The following GNAT3 variants were observed in gnomAD, a reference collection of about 807,000 sequenced individuals.
GNAT3 encodes the protein G protein subunit alpha transducin 3.
In GNAT3, 31 loss-of-function variants were observed where a neutral mutation model predicts 37.7. That is an observed-to-expected ratio of 0.82 (90% CI 0.62 to 1.11). GNAT3 has a LOEUF of 1.11. Ranked by LOEUF, GNAT3 falls within the 50% of genes most tolerant of loss-of-function variation. The pLI, the probability that GNAT3 is intolerant of heterozygous loss-of-function variation, is 0.00. For synonymous variants in GNAT3, 138 were observed against 139.8 expected, an observed-to-expected ratio of 0.99 and a Z score of 0.09; for missense variants, 437 against 412.5, an observed-to-expected ratio of 1.06 and a Z score of -0.51.
intron 5 of GNAT3, among the ~76,000 whole-genome samples, chr7:80,466,841 G>A (rs1388507020): frequency 4.6e-5 from 7 of 152,114 alleles, no homozygotes; most frequent in African/African-American, 1.7e-4. Flanking sequence ...GTTAACAGGT[G>A]TAAGAGGTAG....
chr7:80,497,547 T>C (rs1790739821), intron 1 of GNAT3, among the ~76,000 whole-genome samples: 1 of 140,782 alleles, frequency 7.1e-6, no homozygotes, highest in Non-Finnish European at 1.6e-5. Context: ...TATATACACA[T>C]ATACGTATAT....
chr7:80,478,768 C>A, intron 4 of GNAT3, 73 bp downstream of exon 4: 2 of 1,418,902 alleles, frequency 1.4e-6, no homozygotes, highest in South Asian at 1.3e-5. Context: ...TTTACAAATG[C>A]AAAGTATGCA....
intron 5 of GNAT3, among the ~76,000 whole-genome samples, chr7:80,473,290 T>C (rs909679034): frequency 6.6e-6 from 1 of 152,182 alleles, no homozygotes; most frequent in Non-Finnish European, 1.5e-5. Flanking sequence ...TCCGTATTAG[T>C]TGAAAATATA....
chr7:80,506,756 A>G (rs1790950296), intron 1 of GNAT3, among the ~76,000 whole-genome samples: 2 of 152,192 alleles, frequency 1.3e-5, no homozygotes, highest in Non-Finnish European at 2.9e-5. Context: ...ATTTAAATTG[A>G]CAGAGAAAAT....
intron 1 of GNAT3, among the ~76,000 whole-genome samples, chr7:80,502,717 A>C (rs79955438): frequency 3.9e-5 from 6 of 152,004 alleles, no homozygotes; most frequent in Admixed American, 6.6e-5. Flanking sequence ...AAAAAAAAAA[A>C]ACATAGGTTT....
chr7:80,487,232 C>T (rs1584183753), intron 3 of GNAT3, among the ~76,000 whole-genome samples: 1 of 151,972 alleles, frequency 6.6e-6, no homozygotes, highest in Non-Finnish European at 1.5e-5. Flanking sequence ...CTGAACTACA[C>T]TTAAATAAGA....
At chr7:80,483,709 C>T (rs767839888) in intron 3 of GNAT3, among the ~76,000 whole-genome samples, 3 of 151,972 alleles carry the variant, frequency 2.0e-5, no homozygotes, top group African/African-American at 4.8e-5. Context: ...CTCATTTCAG[C>T]GCATTTCAGT....
chr7:80,475,139 CA>C (rs1790282568), intron 4 of GNAT3, among the ~76,000 whole-genome samples: 1 of 152,034 alleles, frequency 6.6e-6, no homozygotes, highest in South Asian at 2.1e-4. Flanking sequence ...CCTCTTCCAT[CA>C]ATGCATCACT....
intron 5 of GNAT3, among the ~76,000 whole-genome samples, chr7:80,472,629 T>G (rs1443983819): frequency 1.3e-5 from 2 of 152,132 alleles, no homozygotes; most frequent in East Asian, 3.8e-4. Flanking sequence ...GTTGGTGTTG[T>G]AGGGAGTGAC....
chr7:80,501,047 G>T lies in GNAT3; in HGVS notation c.119-6400C>A, dbSNP rs1022125157. On this transcript the variant is annotated intron_variant, in intron 1 of 7. Coordinates refer to ENST00000398291, the MANE Select transcript of GNAT3 (RefSeq NM_001102386.3). ...AAGTTGTCAAATAATAAATTGAAAAGAATTTTCTAAAAATGTTTATGTAAT... is the reference window on the plus strand; with the variant it reads ...AAGTTGTCAAATAATAAATTGAAAATAATTTTCTAAAAATGTTTATGTAAT... 5.9e-5 allele frequency among the ~76,000 whole-genome samples: 9 copies of T among 152,098 alleles called. No homozygotes were observed. The East Asian group carries it at 1.3e-3, about 23-fold the overall frequency.
At chr7:80,487,290 G>T (rs1790505250) in intron 3 of GNAT3, among the ~76,000 whole-genome samples, 1 of 152,136 alleles carries the variant, frequency 6.6e-6, no homozygotes, top group Non-Finnish European at 1.5e-5. Flanking sequence ...GGATCTTGGA[G>T]TTCGACTCCT....
chr7:80,462,366 T>G (rs1241057577), intron 6 of GNAT3, 54 bp from the exon 7 acceptor site: 27 of 1,572,444 alleles, frequency 1.7e-5, no homozygotes, highest in Non-Finnish European at 2.3e-5. Flanking sequence ...AAAATGTGAA[T>G]GTTGAGCATC....
At position 80,462,539 on chromosome 7, in the gene GNAT3, C is replaced by T. The variant is rs1224806070; in HGVS notation, c.683G>A (p.Ser228Asn). The part of the protein sequence containing the change: ...VTCIIFCAAL[S>N]AYDMVLVEDE... ...TTCCACGAGGACCATGTCATAGGCA[C>T]TAAGTGCAGCACAAAATATAATGCA... Residue 228 changes from serine to asparagine, a missense_variant, in exon 6 of 8, where the codon AGT becomes AAT. Ser to Asn is a conservative substitution (Grantham distance 46). Coordinates refer to ENST00000398291, the MANE Select transcript of GNAT3 (RefSeq NM_001102386.3). 6.2e-7 allele frequency: 1 copy of T among 1,613,784 alleles called. No individual in the cohort carries two copies. The highest frequency in any genetic ancestry group is 8.5e-7 in the Non-Finnish European group (1 of 1,179,776).
chr7:80,462,425 G>A (rs1241520835), intron 6 of GNAT3, 77 bp downstream of exon 6: 3 of 1,563,226 alleles, frequency 1.9e-6, no homozygotes, highest in Admixed American at 3.5e-5. Context: ...ACCTTCATGA[G>A]TTGGGCAATG....
intron 1 of GNAT3, among the ~76,000 whole-genome samples, chr7:80,504,458 A>G (rs528939776): frequency 7.2e-5 from 11 of 152,336 alleles, no homozygotes; most frequent in Middle Eastern, 3.4e-3. Context: ...GGATAAGAAA[A>G]TAGAAGCAGT....
intron 1 of GNAT3, among the ~76,000 whole-genome samples, chr7:80,506,383 T>C (rs1790940950): frequency 6.6e-6 from 1 of 152,154 alleles, no homozygotes; most frequent in Admixed American, 6.5e-5. Flanking sequence ...TGCTGATCAA[T>C]TGAGATAAAT....
At chr7:80,491,971 T>G (rs1935181163) in intron 2 of GNAT3, among the ~76,000 whole-genome samples, 1 of 152,080 alleles carries the variant, frequency 6.6e-6, no homozygotes, top group African/African-American at 2.4e-5. Context: ...GAGAGAAAAT[T>G]TATTTGAATA....
Position 80,474,604 on chromosome 7 carries a change from TAA to T in GNAT3, c.462-227_462-226del, listed in dbSNP as rs1160267802. Among the ~76,000 whole-genome samples the T allele has an allele frequency of 2.0e-5, 3 of 152,254 alleles. No homozygotes were observed. In the East Asian group the frequency reaches 5.8e-4, roughly 29 times the overall value. ...GCTTTCCAAACTATGCTCATCGAATTAAAAGTTTGGTAGCTGGAATGTTGCAG... is the reference window on the plus strand; with the variant it reads ...GCTTTCCAAACTATGCTCATCGAATTAAGTTTGGTAGCTGGAATGTTGCAG... On this transcript the variant is annotated intron_variant, in intron 4 of 7. Transcript: ENST00000398291.
chr7:80,479,710 CAAA>C (rs56730701), intron 3 of GNAT3, among the ~76,000 whole-genome samples: 10 of 79,452 alleles, frequency 1.3e-4, no homozygotes, highest in Non-Finnish European at 1.1e-4. Context: ...GACCCTGTCT[CAAA>C]AAAAAAAAAA....
Sources: gnomAD v4.1 joint callset for allele counts (sites outside exome capture counted in the v4.1 genomes callset) on GRCh38, gnomAD v4.1.1 for gene constraint, MANE v1.5 for transcripts, NCBI Gene and HGNC (gene_info 2026-07-23, HGNC 2026-07-21) for gene names.